SNTB1: variants seen among roughly 807,000 people sequenced by gnomAD.
The protein encoded by SNTB1 is beta-1-syntrophin.
SNTB1 carries 36 observed loss-of-function variants against 48.9 expected under a neutral mutation model. That is an observed-to-expected ratio of 0.74 (90% CI 0.56 to 0.97). The LOEUF (loss-of-function observed/expected upper bound fraction) is 0.97. Among genes scored for constraint, SNTB1 ranks in the 50% least tolerant of loss-of-function variants. The pLI, the probability that SNTB1 is intolerant of heterozygous loss-of-function variation, is 0.00. For missense variants in SNTB1, 786 were observed against 703.4 expected (o/e 1.12, Z -1.33); for synonymous variants, 299 against 294.6 (o/e 1.01, Z -0.15).
intron 1 of SNTB1, among the ~76,000 whole-genome samples, chr8:120,757,161 C>T (rs1375608755): frequency 6.6e-6 from 1 of 152,214 alleles, no homozygotes; most frequent in African/African-American, 2.4e-5. Context: ...GAGTCAATTT[C>T]TCAAGGTCAT....
At chr8:120,726,814 T>C (rs1393085123) in intron 1 of SNTB1, among the ~76,000 whole-genome samples, 5 of 152,076 alleles carry the variant, frequency 3.3e-5, no homozygotes, top group African/African-American at 7.2e-5. Context: ...TGGGAGAGTG[T>C]TGGTAATTAA....
chr8:120,629,226 A>G lies in SNTB1; in HGVS notation c.996+3218T>C, dbSNP rs10098010. ...AAGCCATTCTTCAAGTCTCCTGACT[A>G]TCTCATGAAGAAAAATAATGTTAAT... is the stretch of plus-strand genomic sequence containing the variant. On this transcript the variant is annotated intron_variant, in intron 3 of 6. Transcript: ENST00000517992. Among the ~76,000 whole-genome samples the G allele has an allele frequency of 3.7e-3, 564 of 152,324 alleles. 5 individuals carry two copies. Among genetic ancestry groups the G allele is most frequent in the African/African-American group, 0.013 (542 of 41,558 alleles).
chr8:120,620,290 A>G (rs1816774058), intron 3 of SNTB1, among the ~76,000 whole-genome samples: 1 of 152,220 alleles, frequency 6.6e-6, no homozygotes, highest in Non-Finnish European at 1.5e-5. Flanking sequence ...ATACAAAAAC[A>G]ATTTCAATTA....
rs558279792 is a variant in SNTB1 at position 120,596,501 on chromosome 8, C to T, written c.997-21276G>A. ...GTCAGAAGTCTGACAGAAGTCTGAT[C>T]TGGCTGAAATCAAGATGTCAGCATG... On this transcript the variant is annotated intron_variant, in intron 3 of 6. Transcript: ENST00000517992. Among the ~76,000 whole-genome samples, 20 of 152,356 alleles carry T rather than the reference C, an allele frequency of 1.3e-4. No individual in the cohort carries two copies. The South Asian group carries it at 3.3e-3, about 25-fold the overall frequency.
chr8:120,732,665 G>T (rs923691396), intron 1 of SNTB1, among the ~76,000 whole-genome samples: 1 of 152,004 alleles, frequency 6.6e-6, no homozygotes, highest in African/African-American at 2.4e-5. Context: ...GCCAACATGG[G>T]GAAACCTCGT....
At chr8:120,655,117 C>G (rs1817477473) in intron 2 of SNTB1, 2 of 284,898 alleles carry the variant, frequency 7.0e-6, no homozygotes, top group Admixed American at 4.8e-5. Context: ...TTTATTTCCA[C>G]CTTTCTGCTT....
At chr8:120,601,306 A>G (rs915648391) in intron 3 of SNTB1, among the ~76,000 whole-genome samples, 24 of 152,154 alleles carry the variant, frequency 1.6e-4, no homozygotes, top group African/African-American at 5.8e-4. Context: ...TTTAGATGGT[A>G]AAATTTAGAT....
rs142519528 is a variant in SNTB1 at position 120,624,540 on chromosome 8, C to T, written c.996+7904G>A. On this transcript the variant is annotated intron_variant, in intron 3 of 6. Coordinates refer to ENST00000517992, the MANE Select transcript of SNTB1 (RefSeq NM_021021.4). ...AGGTCCCATCAATGGAACTCTGTTGCACTGTAGACTAAGTTTCTAACACAT... is the reference window on the plus strand; with the variant it reads ...AGGTCCCATCAATGGAACTCTGTTGTACTGTAGACTAAGTTTCTAACACAT... 7.1e-3 allele frequency among the ~76,000 whole-genome samples: 1,080 copies of T among 152,306 alleles called. 19 individuals carry two copies. The highest frequency in any genetic ancestry group is 0.025 in the African/African-American group (1,022 of 41,564).
At position 120,594,941 on chromosome 8, in the gene SNTB1, T is replaced by TA. The variant is rs924637510; in HGVS notation, c.997-19717dup. On this transcript the variant is annotated intron_variant, in intron 3 of 6. Transcript: ENST00000517992. ...AAATGTACTTAATTGAACCATACAATAAAAAAAATAGTTAAAATGGTCAAT... is the reference window on the plus strand; with the variant it reads ...AAATGTACTTAATTGAACCATACAATAAAAAAAAATAGTTAAAATGGTCAAT... 4.6e-5 allele frequency among the ~76,000 whole-genome samples: 7 copies of TA among 151,706 alleles called. No individual in the cohort carries two copies. The South Asian group carries it at 1.0e-3, about 23-fold the overall frequency.
intron 1 of SNTB1, chr8:120,776,681 TCCTGCTAAATGGCCCA>T (rs1250297684): frequency 1.3e-5 from 2 of 152,196 alleles, no homozygotes; most frequent in Non-Finnish European, 2.9e-5. Flanking sequence ...ATACAAGGCC[TCCTGCTAAATGGCCCA>T]CCTGCTTCCC....
chr8:120,541,842 A>G lies in SNTB1; in HGVS notation c.1492T>C (p.Tyr498His). 1 of 1,613,480 alleles carries G rather than the reference A, an allele frequency of 6.2e-7. No homozygotes were observed. The highest frequency in any genetic ancestry group is 1.1e-5 in the South Asian group (1 of 90,852). ...CCATCTTTGCCTCCAAAATCTAAAT[A>G]CAGCATCCTGATTCCATCATCTGAA... Reference protein sequence around the residue: ...MSSDDGIRMLYLDFGGKDGEI... With the variant: ...MSSDDGIRMLHLDFGGKDGEI... The change falls in exon 6 of 7, where the codon TAT (tyrosine) becomes CAT (histidine). Residue 498 changes from tyrosine (Y) to histidine (H), a missense_variant. By Grantham distance (83) the Tyr-to-His change is moderately conservative (BLOSUM62 2). Transcript: ENST00000517992.
rs542612004 is a variant in SNTB1 at position 120,610,300 on chromosome 8, C to A, written c.996+22144G>T. On this transcript the variant is annotated intron_variant, in intron 3 of 6. Transcript: ENST00000517992. ...TATAGGCACATACCACTGTGCCCAG[C>A]TAATTTTTGTATTTTTAGAAGAGAC... 2.6e-5 allele frequency among the ~76,000 whole-genome samples: 4 copies of A among 152,246 alleles called. No homozygotes were observed. In the South Asian group the frequency reaches 8.3e-4, roughly 32 times the overall value.
At chr8:120,701,979 A>G (rs1818315269) in intron 1 of SNTB1, among the ~76,000 whole-genome samples, 1 of 152,216 alleles carries the variant, frequency 6.6e-6, no homozygotes, top group African/African-American at 2.4e-5. Context: ...TTCTTCAACA[A>G]AGCAAGATAA....
At position 120,536,174 on chromosome 8, in the gene SNTB1, T is replaced by C. The variant is rs1815200310; in HGVS notation, c.*2703A>G. The C allele has an allele frequency of 6.6e-6, 1 of 152,228 alleles. No individual in the cohort carries two copies. The highest frequency in any genetic ancestry group is 1.5e-5 in the Non-Finnish European group (1 of 68,042). The allele number at this position is 152,228 out of a possible 1,614,324, so 9.4% of individuals were successfully genotyped here. A position where few individuals can be genotyped will look rare whatever the true frequency, so the allele number is the denominator to read the frequency against. On this transcript the variant is annotated 3_prime_UTR_variant, in exon 7 of 7. Coordinates refer to ENST00000517992, the MANE Select transcript of SNTB1 (RefSeq NM_021021.4). Reference sequence around the variant, plus strand: ...CCTATTGGCCTTCTTTAAATCCCTATGAGATGGCTTAAAAGGATGTCACTG... The same window carrying C: ...CCTATTGGCCTTCTTTAAATCCCTACGAGATGGCTTAAAAGGATGTCACTG...
At chr8:120,654,897 T>C (rs1228383426) in intron 2 of SNTB1, 2 of 442,046 alleles carry the variant, frequency 4.5e-6, no homozygotes, top group Non-Finnish European at 9.0e-6. Flanking sequence ...TCCAAGTGAC[T>C]CTGGAGAAAA....
chr8:120,605,031 G>A (rs1165438661), intron 3 of SNTB1, among the ~76,000 whole-genome samples: 3 of 152,194 alleles, frequency 2.0e-5, no homozygotes, highest in African/African-American at 7.2e-5. Context: ...AGAGGTCCAT[G>A]TCATATTTTA....
intron 2 of SNTB1, among the ~76,000 whole-genome samples, chr8:120,677,182 T>A (rs1321885928): frequency 6.6e-6 from 1 of 152,228 alleles, no homozygotes. Context: ...AGAAATATTT[T>A]GGTCCAAATT....
chr8:120,687,471 T>C (rs1444751208), intron 2 of SNTB1, among the ~76,000 whole-genome samples: 1 of 152,162 alleles, frequency 6.6e-6, no homozygotes. Flanking sequence ...GTGGGAGTGT[T>C]GGCAAAGCAG....
intron 6 of SNTB1, among the ~76,000 whole-genome samples, chr8:120,539,386 C>T (rs1815249442): frequency 6.6e-6 from 1 of 152,192 alleles, no homozygotes; most frequent in African/African-American, 2.4e-5. Context: ...GGATAAGTCT[C>T]TTAAAATTCT....
Sources: gnomAD v4.1 joint callset for allele counts (sites outside exome capture counted in the v4.1 genomes callset) on GRCh38, gnomAD v4.1.1 for gene constraint, MANE v1.5 for transcripts, NCBI Gene and HGNC (gene_info 2026-07-23, HGNC 2026-07-21) for gene names.